The following DLC1 variants were observed in gnomAD, a reference collection of about 807,000 sequenced individuals.
DLC1 encodes DLC1 Rho GTPase activating protein.
A neutral mutation model predicts 140.3 loss-of-function variants in DLC1; 54 were observed. That is an observed-to-expected ratio of 0.38 (90% CI 0.31 to 0.48). The LOEUF is 0.48. DLC1 is among the 20% of genes least tolerant of loss of function. DLC1 has a pLI of 0.96. For synonymous variants in DLC1, 986 were observed against 728.1 expected, an observed-to-expected ratio of 1.35 and a Z score of -5.70; for missense variants, 2,536 against 1,907.0, an observed-to-expected ratio of 1.33 and a Z score of -6.14.
rs1827489946 is a variant in DLC1 at position 13,203,194 on chromosome 8, T to C, written c.1349-87537A>G. ...TTGTGTTCACTTACGTGCTGTTCAA[T>C]TACTCACTAGTTTCTACATTTTCTA... On this transcript the variant is annotated intron_variant, in intron 5 of 17. Coordinates refer to ENST00000276297, the MANE Select transcript of DLC1 (RefSeq NM_182643.3). 2.0e-5 allele frequency among the ~76,000 whole-genome samples: 3 copies of C among 152,344 alleles called. No individual in the cohort carries two copies. In the East Asian group the frequency reaches 5.8e-4, roughly 29 times the overall value.
At chr8:13,307,362 T>G (rs1053025163) in intron 4 of DLC1, among the ~76,000 whole-genome samples, 2 of 152,216 alleles carry the variant, frequency 1.3e-5, no homozygotes, top group Non-Finnish European at 2.9e-5. Flanking sequence ...GTCATCTGAC[T>G]TTTCTTCTTC....
chr8:13,090,581 C>T (rs1289479152), intron 14 of DLC1, 111 bp from the exon 15 acceptor site: 45 of 1,267,500 alleles, frequency 3.6e-5, no homozygotes. Context: ...TAAAGCAGTG[C>T]AGGCATCTTC....
intron 5 of DLC1, among the ~76,000 whole-genome samples, chr8:13,207,746 G>A (rs1827742500): frequency 6.6e-6 from 1 of 152,132 alleles, no homozygotes; most frequent in Admixed American, 6.6e-5. Context: ...ACCTGGGGGA[G>A]GTACTGCCGA....
intron 5 of DLC1, among the ~76,000 whole-genome samples, chr8:13,238,057 A>G (rs550809687): frequency 1.3e-5 from 2 of 152,316 alleles, no homozygotes; most frequent in Middle Eastern, 3.4e-3. Flanking sequence ...ATGTTTTGAA[A>G]CATTTAGCTT....
At chr8:13,356,931 TGTAGG>T (rs1834966419) in intron 4 of DLC1, among the ~76,000 whole-genome samples, 2 of 152,172 alleles carry the variant, frequency 1.3e-5, no homozygotes, top group South Asian at 4.1e-4. Flanking sequence ...CAGAAAGTCT[TGTAGG>T]GTAGAGGATT....
rs951101498 is a variant in DLC1, at chr8:13,100,914, T to G, written c.1567-144A>C. 3.6e-6 allele frequency: 3 copies of G among 842,596 alleles called. No homozygotes were observed. The African/African-American group carries it at 5.4e-5, about 15-fold the overall frequency. 52.2% of individuals were successfully genotyped at this position (842,596 alleles called of 1,614,324 possible). On this transcript the variant is annotated intron_variant, in intron 8 of 17. Transcript: ENST00000276297. ...GATTTTAATTTTAAAGTTTTTTTTT[T>G]TTTTTTTTTAAAAATAGGGTCTCAC... is the stretch of plus-strand genomic sequence containing the variant.
intron 2 of DLC1, among the ~76,000 whole-genome samples, chr8:13,432,572 T>C (rs906664280): frequency 6.6e-6 from 1 of 152,200 alleles, no homozygotes; most frequent in Non-Finnish European, 1.5e-5. Flanking sequence ...TCTAAATCAA[T>C]TTTAAGGTTG....
chr8:13,300,989 G>C (rs151320363), intron 5 of DLC1, among the ~76,000 whole-genome samples: 4,716 of 152,232 alleles, frequency 0.031, 122 homozygotes, highest in African/African-American at 0.07. Context: ...TGATGAGAGG[G>C]CGGTGCTGAC....
chr8:13,134,516 G>A (rs1822408140), intron 5 of DLC1, among the ~76,000 whole-genome samples: 2 of 152,184 alleles, frequency 1.3e-5, no homozygotes, highest in African/African-American at 4.8e-5. Context: ...ATTGGAGCTG[G>A]GGAAGGGCAC....
chr8:13,090,533 C>T, intron 14 of DLC1, 63 bp from the exon 15 acceptor site: 6 of 1,577,452 alleles, frequency 3.8e-6, no homozygotes, highest in Non-Finnish European at 5.2e-6. Context: ...CAATGCCCAT[C>T]AGTGGAAAAG....
At chr8:13,448,451 C>A (rs778050718) in intron 2 of DLC1, among the ~76,000 whole-genome samples, 1 of 151,848 alleles carries the variant, frequency 6.6e-6, no homozygotes, top group African/African-American at 2.4e-5. Flanking sequence ...GCAACCTCCA[C>A]CTCCTGGTTC....
intron 5 of DLC1, among the ~76,000 whole-genome samples, chr8:13,190,003 T>C (rs747001605): frequency 8.5e-5 from 13 of 152,136 alleles, no homozygotes; most frequent in Non-Finnish European, 1.5e-4. Flanking sequence ...AGACATATGA[T>C]GAAGCCATCA....
intron 5 of DLC1, among the ~76,000 whole-genome samples, chr8:13,250,077 T>C (rs1358199654): frequency 6.6e-6 from 1 of 152,244 alleles, no homozygotes; most frequent in Non-Finnish European, 1.5e-5. Flanking sequence ...GGGCGTGGAA[T>C]GGATTGCATT....
intron 12 of DLC1, among the ~76,000 whole-genome samples, chr8:13,094,021 T>C (rs762351339): frequency 7.2e-5 from 11 of 152,190 alleles, no homozygotes; most frequent in African/African-American, 2.7e-4. Context: ...TATTTATTCA[T>C]TTTACAGCAA....
chr8:13,534,924 C>A (rs573781867), intron 1 of DLC1, among the ~76,000 whole-genome samples: 1 of 152,018 alleles, frequency 6.6e-6, no homozygotes, highest in African/African-American at 2.4e-5. Flanking sequence ...CTGGCCCACA[C>A]TCCTCTAACT....
intron 5 of DLC1, among the ~76,000 whole-genome samples, chr8:13,269,630 G>T (rs778106146): frequency 1.2e-4 from 18 of 144,682 alleles, no homozygotes; most frequent in Admixed American, 7.1e-5. Context: ...GCTGAGTTCA[G>T]GAGTTCAAGG....
chr8:13,542,632 G>A (rs1803523085), intron 1 of DLC1, among the ~76,000 whole-genome samples: 1 of 152,040 alleles, frequency 6.6e-6, no homozygotes, highest in African/African-American at 2.4e-5. Context: ...ATACATGGGA[G>A]AGCTACACAT....
chr8:13,352,877 T>G (rs544224911), intron 4 of DLC1, among the ~76,000 whole-genome samples: 1 of 152,200 alleles, frequency 6.6e-6, no homozygotes, highest in African/African-American at 2.4e-5. Context: ...TATTTTAAAA[T>G]ACCCAAGTAA....
At chr8:13,132,528 A>G (rs1822194475) in intron 5 of DLC1, among the ~76,000 whole-genome samples, 2 of 152,180 alleles carry the variant, frequency 1.3e-5, no homozygotes, top group South Asian at 4.1e-4. Context: ...CTGGTGAATG[A>G]CAGGAGATCA....
Sources: allele counts gnomAD v4.1 joint callset (sites outside exome capture counted in the v4.1 genomes callset), GRCh38; gene constraint gnomAD v4.1.1; transcripts MANE v1.5; gene names NCBI Gene and HGNC (gene_info 2026-07-23, HGNC 2026-07-21).